DMGDH: variants seen among roughly 807,000 people sequenced by gnomAD.
DMGDH encodes the protein dimethylglycine dehydrogenase, also known as dimethylglycine dehydrogenase, mitochondrial.
Under a neutral mutation model 95.2 loss-of-function variants are expected in DMGDH, and 76 were observed. The observed-to-expected ratio is 0.80, with a 90% CI of 0.66 to 0.97. The LOEUF (loss-of-function observed/expected upper bound fraction) is 0.97, where lower values mean the gene tolerates loss of function less well. DMGDH is among the 50% of genes least tolerant of loss of function. The pLI, the probability that DMGDH is intolerant of heterozygous loss-of-function variation, is 0.00. For missense variants in DMGDH, 987 were observed against 1,055.0 expected (o/e 0.94, Z 0.89); for synonymous variants, 345 against 377.6 (o/e 0.91, Z 1.00).
At chr5:79,059,736 C>G (rs771849236) in intron 2 of DMGDH, among the ~76,000 whole-genome samples, 1 of 152,212 alleles carries the variant, frequency 6.6e-6, no homozygotes, top group African/African-American at 2.4e-5. Context: ...GCAATTATTT[C>G]TCACCTACTG....
intron 7 of DMGDH, among the ~76,000 whole-genome samples, chr5:79,035,241 A>T (rs1201316529): frequency 6.6e-6 from 1 of 152,138 alleles, no homozygotes; most frequent in African/African-American, 2.4e-5. Flanking sequence ...TAGCACATTC[A>T]CTTAACCAGG....
At chr5:79,020,198 G>C (rs1185582449) in intron 14 of DMGDH, among the ~76,000 whole-genome samples, 1 of 152,202 alleles carries the variant, frequency 6.6e-6, no homozygotes, top group Admixed American at 6.5e-5. Context: ...ACTGATGCCT[G>C]AGTCCCTACA....
intron 14 of DMGDH, among the ~76,000 whole-genome samples, chr5:79,012,936 C>T (rs1370760998): frequency 2.0e-5 from 3 of 152,250 alleles, no homozygotes; most frequent in Admixed American, 1.3e-4. Context: ...GAAATGCCTT[C>T]AAGACCTTTT....
intron 2 of DMGDH, 99 bp from the exon 3 acceptor site, chr5:79,056,007 C>A: frequency 1.2e-6 from 1 of 804,978 alleles, no homozygotes; most frequent in Non-Finnish European, 2.1e-6. Flanking sequence ...TGGAAAGAAA[C>A]TGAGAAGCAC....
In DMGDH at chr5:79,032,855, T is replaced by C. The variant is rs201191309; in HGVS notation, c.1364-15A>G. ...AGGATAACCAACTGAAAAGGAAAAA[T>C]TGGTACTTTAAATCACATATAGCCA... is the stretch of plus-strand genomic sequence containing the variant. On this transcript the variant is annotated splice_polypyrimidine_tract_variant and intron_variant, in intron 8 of 15. Coordinates refer to ENST00000255189, the MANE Select transcript of DMGDH (RefSeq NM_013391.3). 1.2e-5 allele frequency: 20 copies of C among 1,613,832 alleles called. No homozygotes were observed. Among genetic ancestry groups the C allele is most frequent in the Middle Eastern group, 1.6e-4 (1 of 6,062 alleles).
chr5:79,035,003 G>A (rs1036981482), intron 7 of DMGDH, among the ~76,000 whole-genome samples: 4 of 141,210 alleles, frequency 2.8e-5, no homozygotes, highest in Non-Finnish European at 6.0e-5. Context: ...CTTGCAGTGA[G>A]CCGAGATCGC....
intron 14 of DMGDH, among the ~76,000 whole-genome samples, chr5:79,016,070 T>C (rs1753727265): frequency 6.6e-6 from 1 of 151,682 alleles, no homozygotes; most frequent in Non-Finnish European, 1.5e-5. Flanking sequence ...CCGTCTCTAC[T>C]AAAAAAATAC....
chr5:79,021,826 A>G, intron 14 of DMGDH: 1 of 857,628 alleles, frequency 1.2e-6, no homozygotes, highest in Non-Finnish European at 1.6e-6. Flanking sequence ...ACTGTGGAAA[A>G]GGACTTTGTG....
At chr5:79,049,249 C>A (rs1754766761) in intron 5 of DMGDH, among the ~76,000 whole-genome samples, 1 of 151,760 alleles carries the variant, frequency 6.6e-6, no homozygotes, top group Non-Finnish European at 1.5e-5. Context: ...TTCAGTGATT[C>A]CTTTTTGTTA....
chr5:79,043,392 C>G (rs550215901), intron 6 of DMGDH, among the ~76,000 whole-genome samples: 146 of 152,320 alleles, frequency 9.6e-4, no homozygotes, highest in Middle Eastern at 3.4e-3. Context: ...GGATCAGGAG[C>G]AATTCTGCTC....
rs1754223152 is a variant in DMGDH, at chr5:79,032,754, TGG to T, written c.1448_1449del (p.Ser483TyrfsTer33). On this transcript the variant is annotated frameshift_variant, in exon 9 of 16. Transcript: ENST00000255189. LOFTEE classifies it high-confidence loss of function. ...TGCTCCCAGCCAGCATGGAACCCCA[TGG>T]AACACTTAGACTCCAGCCTTTGATA... Reference protein sequence around the residue: ...GLYQRLESKCSMGFHAGWEQP... With the variant: ...GLYQRLESKCXMGFHAGWEQP... The T allele has an allele frequency of 6.2e-7, 1 of 1,614,176 alleles. No homozygotes were observed. Among genetic ancestry groups the T allele is most frequent in the East Asian group, 2.2e-5 (1 of 44,886 alleles).
intron 1 of DMGDH, among the ~76,000 whole-genome samples, chr5:79,068,727 T>A (rs1755453193): frequency 6.6e-6 from 1 of 152,186 alleles, no homozygotes; most frequent in South Asian, 2.1e-4. Flanking sequence ...TCTACAAATA[T>A]AAGAAGTCGA....
chr5:79,067,101 C>A (rs77990634), intron 1 of DMGDH, among the ~76,000 whole-genome samples: 1 of 151,984 alleles, frequency 6.6e-6, no homozygotes, highest in South Asian at 2.1e-4. Context: ...ATTTGAATAC[C>A]AAATTGTCCT....
chr5:79,062,698 T>C (rs1270472803), intron 2 of DMGDH, among the ~76,000 whole-genome samples: 1 of 152,172 alleles, frequency 6.6e-6, no homozygotes, highest in Non-Finnish European at 1.5e-5. Flanking sequence ...AATGCAAGAC[T>C]GACTTGGCCT....
Position 79,051,492 on chromosome 5 carries a change from C to G in DMGDH, c.541-1G>C, listed in dbSNP as rs768254274. 6.2e-7 allele frequency: 1 copy of G among 1,613,412 alleles called. No individual in the cohort carries two copies. Among genetic ancestry groups the G allele is most frequent in the Non-Finnish European group, 8.5e-7 (1 of 1,179,396 alleles). Reference sequence around the variant, plus strand: ...CAGGATTATACAATCCAGCTAAAACCTAAATCAATCATACCAGAGTCAATA... The same window carrying G: ...CAGGATTATACAATCCAGCTAAAACGTAAATCAATCATACCAGAGTCAATA... On this transcript the variant is annotated splice_acceptor_variant, in intron 4 of 15. Coordinates refer to ENST00000255189, the MANE Select transcript of DMGDH (RefSeq NM_013391.3). LOFTEE classifies it high-confidence loss of function.
intron 7 of DMGDH, among the ~76,000 whole-genome samples, chr5:79,035,812 C>T (rs901095490): frequency 6.6e-6 from 1 of 152,144 alleles, no homozygotes; most frequent in African/African-American, 2.4e-5. Context: ...GTTATCCAAC[C>T]ATTAACAAGC....
At chr5:79,013,603 T>C (rs1753681211) in intron 14 of DMGDH, among the ~76,000 whole-genome samples, 1 of 152,214 alleles carries the variant, frequency 6.6e-6, no homozygotes, top group African/African-American at 2.4e-5. Flanking sequence ...TATAAAGAAA[T>C]GCCTGAGACT....
intron 7 of DMGDH, among the ~76,000 whole-genome samples, chr5:79,039,205 T>G (rs1383112891): frequency 6.6e-6 from 1 of 151,896 alleles, no homozygotes; most frequent in Non-Finnish European, 1.5e-5. Context: ...ATCCCATTAC[T>G]GGGTATATAC....
Position 79,055,888 on chromosome 5 carries a change from A to G in DMGDH, c.297T>C (p.Phe99=). The G allele has an allele frequency of 6.2e-7, 1 of 1,611,212 alleles. No individual in the cohort carries two copies. The highest frequency in any genetic ancestry group is 1.7e-5 in the Admixed American group (1 of 60,016). The change falls in exon 3 of 16, where the codon TTT becomes TTC. Residue 99 remains phenylalanine, a synonymous_variant. Coordinates refer to ENST00000255189, the MANE Select transcript of DMGDH (RefSeq NM_013391.3). ...TWHAAGLTTY[F]HPGINLKKIH... is the part of the protein sequence containing the mutation. The stretch of plus-strand genomic sequence containing the variant: ...TTTTCTTCAAGTTTATTCCAGGATG[A>G]AAGTAAGTTGTTAAACCTGCCTTAA...
Sources: gnomAD v4.1 joint callset for allele counts (sites outside exome capture counted in the v4.1 genomes callset) on GRCh38, gnomAD v4.1.1 for gene constraint, MANE v1.5 for transcripts, NCBI Gene and HGNC (gene_info 2026-07-23, HGNC 2026-07-21) for gene names.